CHCHD6: variants seen among roughly 807,000 people sequenced by gnomAD.
CHCHD6 encodes the protein MICOS complex subunit MIC25.
In CHCHD6, 28 loss-of-function variants were observed where a neutral mutation model predicts 32.3. The observed-to-expected ratio is 0.87, with a 90% CI of 0.64 to 1.19. The LOEUF (loss-of-function observed/expected upper bound fraction) is 1.19, where lower values mean the gene tolerates loss of function less well. Ranked by LOEUF, CHCHD6 falls within the 50% of genes most tolerant of loss-of-function variation. CHCHD6 has a pLI of 0.00. For missense variants in CHCHD6, 333 were observed against 307.0 expected (o/e 1.08, Z -0.63); for synonymous variants, 122 against 117.5 (o/e 1.04, Z -0.25).
At chr3:126,734,548 A>G (rs543861722) in intron 4 of CHCHD6, among the ~76,000 whole-genome samples, 1 of 152,316 alleles carries the variant, frequency 6.6e-6, no homozygotes, top group South Asian at 2.1e-4. Flanking sequence ...ACATAAATGC[A>G]CTTTGAACCA....
intron 1 of CHCHD6, among the ~76,000 whole-genome samples, chr3:126,713,773 T>TG (rs1934871564): frequency 6.6e-6 from 1 of 152,202 alleles, no homozygotes; most frequent in Non-Finnish European, 1.5e-5. Flanking sequence ...TTTAAGCCAC[T>TG]GGCTCAGTTT....
intron 5 of CHCHD6, among the ~76,000 whole-genome samples, chr3:126,861,589 A>G (rs970860293): frequency 6.7e-6 from 1 of 149,658 alleles, no homozygotes; most frequent in Admixed American, 6.6e-5. Flanking sequence ...ATCCTCCATC[A>G]CTACCTCCAC....
intron 4 of CHCHD6, among the ~76,000 whole-genome samples, chr3:126,748,795 T>C (rs983559431): frequency 6.6e-6 from 1 of 152,114 alleles, no homozygotes; most frequent in Admixed American, 6.5e-5. Context: ...ATTCAAGACA[T>C]GTTCCCTGAG....
At chr3:126,837,869 C>T (rs571820463) in intron 4 of CHCHD6, among the ~76,000 whole-genome samples, 13 of 152,250 alleles carry the variant, frequency 8.5e-5, no homozygotes, top group Non-Finnish European at 1.5e-4. Flanking sequence ...GCATTTCCAC[C>T]GTCTCCTTCC....
Position 126,729,170 on chromosome 3 carries a change from A to G in CHCHD6, c.197-1391A>G, listed in dbSNP as rs1017942916. On this transcript the variant is annotated intron_variant, in intron 2 of 7. Coordinates refer to ENST00000290913, the MANE Select transcript of CHCHD6 (RefSeq NM_032343.3). Reference sequence around the variant, plus strand: ...AGGAAATGTGAATATAAGAAATTAGACAATTTAGAAAAGAAGTAACAGGAA... The same window carrying G: ...AGGAAATGTGAATATAAGAAATTAGGCAATTTAGAAAAGAAGTAACAGGAA... 5.3e-5 allele frequency among the ~76,000 whole-genome samples: 8 copies of G among 152,340 alleles called. No individual in the cohort carries two copies. The East Asian group carries it at 1.5e-3, about 29-fold the overall frequency.
intron 4 of CHCHD6, among the ~76,000 whole-genome samples, chr3:126,804,280 T>G (rs1429979864): frequency 2.6e-5 from 4 of 152,080 alleles, no homozygotes; most frequent in Non-Finnish European, 5.9e-5. Context: ...AGGAGCTGGT[T>G]TTTTGAAAGG....
intron 5 of CHCHD6, among the ~76,000 whole-genome samples, chr3:126,860,754 G>A (rs1941831885): frequency 6.6e-6 from 1 of 152,104 alleles, no homozygotes; most frequent in African/African-American, 2.4e-5. Flanking sequence ...ATAGCATATT[G>A]CTTAGAGATT....
chr3:126,729,627 G>A (rs1231653737), intron 2 of CHCHD6, among the ~76,000 whole-genome samples: 1 of 152,144 alleles, frequency 6.6e-6, no homozygotes, highest in Non-Finnish European at 1.5e-5. Flanking sequence ...TGTTGCTGAG[G>A]AGCATGGGAG....
At chr3:126,772,114 T>G (rs1306958970) in intron 4 of CHCHD6, among the ~76,000 whole-genome samples, 1 of 152,196 alleles carries the variant, frequency 6.6e-6, no homozygotes, top group Non-Finnish European at 1.5e-5. Context: ...GGTTTTTTGT[T>G]TTTTTGAGAT....
In CHCHD6 at chr3:126,733,078, G is replaced by T. The variant is rs200415645; in HGVS notation, c.267G>T (p.Arg89Ser). ...QPSGMKEGVK[R>S]YEQEHAAIQD... ...TTCTCCTCATGTTTCTTCTGCACAG[G>T]TATGAACAGGAGCATGCTGCTATCC... Residue 89 changes from arginine (R) to serine (S), a missense_variant and splice_region_variant, in exon 4 of 8, where the codon AGG becomes AGT. By Grantham distance (110) the Arg-to-Ser change is moderately radical (BLOSUM62 -1). Coordinates refer to ENST00000290913, the MANE Select transcript of CHCHD6 (RefSeq NM_032343.3). The T allele has an allele frequency of 1.2e-6, 2 of 1,614,162 alleles. No homozygotes were observed. Among genetic ancestry groups the T allele is most frequent in the Non-Finnish European group, 1.7e-6 (2 of 1,180,018 alleles).
At chr3:126,726,660 G>A (rs1422805588) in intron 1 of CHCHD6, among the ~76,000 whole-genome samples, 3 of 152,204 alleles carry the variant, frequency 2.0e-5, no homozygotes, top group Non-Finnish European at 4.4e-5. Context: ...CTGGAGAAGG[G>A]GACATTGAGA....
chr3:126,859,103 G>T (rs1576504987), intron 5 of CHCHD6, among the ~76,000 whole-genome samples: 1 of 152,244 alleles, frequency 6.6e-6, no homozygotes, highest in African/African-American at 2.4e-5. Flanking sequence ...GCAGTGCCTG[G>T]CATAGAGTAG....
chr3:126,871,234 T>C (rs2077465936), intron 5 of CHCHD6, among the ~76,000 whole-genome samples: 1 of 152,206 alleles, frequency 6.6e-6, no homozygotes, highest in Non-Finnish European at 1.5e-5. Context: ...GCCTATCCCT[T>C]CTTGTTTCTG....
At chr3:126,726,259 G>T (rs1192473277) in intron 1 of CHCHD6, among the ~76,000 whole-genome samples, 2 of 152,194 alleles carry the variant, frequency 1.3e-5, no homozygotes, top group Non-Finnish European at 2.9e-5. Context: ...CAAGGAGAGG[G>T]AGAGAGACAG....
At chr3:126,878,973 A>T (rs1460449815) in intron 5 of CHCHD6, among the ~76,000 whole-genome samples, 1 of 152,156 alleles carries the variant, frequency 6.6e-6, no homozygotes, top group African/African-American at 2.4e-5. Context: ...AATCACCTGC[A>T]CCTGTCCTCA....
At chr3:126,948,481 A>T (rs762612750) in intron 6 of CHCHD6, among the ~76,000 whole-genome samples, 2 of 152,130 alleles carry the variant, frequency 1.3e-5, no homozygotes, top group African/African-American at 2.4e-5. Context: ...ACAAGAGAAT[A>T]TGAATGGGAT....
chr3:126,861,533 C>G (rs893473030), intron 5 of CHCHD6, among the ~76,000 whole-genome samples: 8 of 151,564 alleles, frequency 5.3e-5, no homozygotes, highest in Non-Finnish European at 1.2e-4. Context: ...ACTACCAACA[C>G]CACCACCACC....
chr3:126,788,220 C>T (rs912933939), intron 4 of CHCHD6, among the ~76,000 whole-genome samples: 3 of 152,024 alleles, frequency 2.0e-5, no homozygotes, highest in Non-Finnish European at 2.9e-5. Context: ...TTCTGGATTT[C>T]GTTTGCCAGT....
chr3:126,726,174 C>T (rs1480150955), intron 1 of CHCHD6, among the ~76,000 whole-genome samples: 1 of 152,170 alleles, frequency 6.6e-6, no homozygotes, highest in Non-Finnish European at 1.5e-5. Context: ...TGGGACTTTT[C>T]ATTTGAACAC....
Sources: gnomAD v4.1 joint callset for allele counts (sites outside exome capture counted in the v4.1 genomes callset) on GRCh38, gnomAD v4.1.1 for gene constraint, MANE v1.5 for transcripts, NCBI Gene and HGNC (gene_info 2026-07-23, HGNC 2026-07-21) for gene names.